Variants in ZNF69 observed in about 807,000 individuals in gnomAD.
ZNF69 encodes the protein ZNF3.
A neutral mutation model predicts 50.9 loss-of-function variants in ZNF69; 47 were observed. The ratio of observed to expected loss-of-function variants is 0.92; its 90% CI spans 0.73 to 1.18. The LOEUF is 1.18. Among genes scored for constraint, ZNF69 ranks in the 50% most tolerant of loss-of-function variants. The pLI is 0.00. For synonymous variants in ZNF69, 216 were observed against 223.1 expected (o/e 0.97, Z 0.29); for missense variants, 717 against 675.1 (o/e 1.06, Z -0.69).
At chr19:11,919,455 C>G in the ZNF69 span, among the ~76,000 whole-genome samples, 1 of 152,074 alleles carries the variant, frequency 6.6e-6, no homozygotes, top group East Asian at 1.9e-4. Context: ...TGTATTTACT[C>G]TCCTCAAAAT....
the ZNF69 span, among the ~76,000 whole-genome samples, chr19:11,953,534 G>A: frequency 1.3e-5 from 2 of 152,216 alleles, no homozygotes; most frequent in Non-Finnish European, 2.9e-5. Context: ...TTGACTTGCA[G>A]CATTTAGAAA....
At chr19:11,948,366 C>G in the ZNF69 span, 4 of 1,613,952 alleles carry the variant, frequency 2.5e-6, no homozygotes, top group Admixed American at 3.3e-5. Context: ...GACTGAACTT[C>G]CAGGAGAAGA....
chr19:11,890,605 A>G (rs542598448), intron 1 of ZNF69, among the ~76,000 whole-genome samples: 3 of 152,142 alleles, frequency 2.0e-5, no homozygotes, highest in Admixed American at 1.3e-4. Flanking sequence ...TTTTCCCCAC[A>G]TGCACCACCA....
At chr19:11,895,990 C>T (rs1410863870) in intron 1 of ZNF69, among the ~76,000 whole-genome samples, 3 of 151,978 alleles carry the variant, frequency 2.0e-5, no homozygotes, top group African/African-American at 4.8e-5. Context: ...GAGGCTGAGG[C>T]GGGCGGAACA....
In ZNF69 at chr19:11,905,254, A is replaced by G. The variant is rs1479408246; in HGVS notation, c.857A>G (p.His286Arg). Residue 286 changes from histidine to arginine, a missense_variant, in exon 4 of 4, where the codon CAT becomes CGT. Physicochemically the swap from His to Arg is conservative, Grantham distance 29. Transcript: ENST00000429654. Reference sequence around the variant, plus strand: ...TGTCAGCAATGTGGGAAAGCATTTCATAGTCCCAGATGCTATCGTAGACAT... The same window carrying G: ...TGTCAGCAATGTGGGAAAGCATTTCGTAGTCCCAGATGCTATCGTAGACAT... Reference protein sequence around the residue: ...YECQQCGKAFHSPRCYRRHER... With the variant: ...YECQQCGKAFRSPRCYRRHER... 5 of 1,613,766 alleles carry G rather than the reference A, an allele frequency of 3.1e-6. No individual in the cohort carries two copies. The highest frequency in any genetic ancestry group is 1.7e-5 in the Admixed American group (1 of 59,976).
downstream of ZNF69, among the ~76,000 whole-genome samples, chr19:11,910,291 T>A (rs1360143702): frequency 2.0e-5 from 3 of 152,212 alleles, no homozygotes; most frequent in African/African-American, 7.2e-5. Flanking sequence ...AAGCTACCGA[T>A]GACTTTCTTC....
the ZNF69 span, chr19:11,939,905 A>G: frequency 9.9e-5 from 15 of 152,136 alleles, no homozygotes; most frequent in East Asian, 3.9e-4. Flanking sequence ...GCTTATTGCA[A>G]TTATCCTGAG....
chr19:11,892,798 A>C (rs1383190870), intron 1 of ZNF69, among the ~76,000 whole-genome samples: 1 of 152,118 alleles, frequency 6.6e-6, no homozygotes, highest in Non-Finnish European at 1.5e-5. Context: ...TTGCTTCAAG[A>C]TAGAGATCCA....
the ZNF69 span, among the ~76,000 whole-genome samples, chr19:11,933,757 A>G: frequency 2.7e-5 from 4 of 146,190 alleles, no homozygotes; most frequent in African/African-American, 8.2e-5. Context: ...TTGTTTTTGA[A>G]TGGTGTGAAC....
the ZNF69 span, among the ~76,000 whole-genome samples, chr19:11,968,747 G>A: frequency 6.6e-6 from 1 of 152,076 alleles, no homozygotes; most frequent in African/African-American, 2.4e-5. Context: ...GGGCCTGGCG[G>A]GATGGCTCAC....
chr19:11,925,971 G>C, the ZNF69 span, among the ~76,000 whole-genome samples: 1 of 152,324 alleles, frequency 6.6e-6, no homozygotes, highest in African/African-American at 2.4e-5. Flanking sequence ...TCCATTGGCA[G>C]AAAGGGTGGG....
In ZNF69 at chr19:11,888,830, G is replaced by A. The variant is rs533356847; in HGVS notation, c.63+844G>A. On this transcript the variant is annotated intron_variant, in intron 1 of 3. Coordinates refer to ENST00000429654, the MANE Select transcript of ZNF69 (RefSeq NM_001364730.1). Reference sequence around the variant, plus strand: ...TAAAAATATAAAAAAGAAACTAGCCGGGCGTGATGGTGGACGCCTGTAATC... The same window carrying A: ...TAAAAATATAAAAAAGAAACTAGCCAGGCGTGATGGTGGACGCCTGTAATC... Among the ~76,000 whole-genome samples, 317 of 152,186 alleles carry A rather than the reference G, an allele frequency of 2.1e-3. 2 individuals carry two copies. The highest frequency in any genetic ancestry group is 7.1e-3 in the African/African-American group (295 of 41,526).
chr19:11,901,106 G>A (rs1343658071), intron 1 of ZNF69, among the ~76,000 whole-genome samples: 1 of 152,118 alleles, frequency 6.6e-6, no homozygotes, highest in East Asian at 1.9e-4. Flanking sequence ...ATGGAGACAG[G>A]GTCTCCTTAT....
the ZNF69 span, among the ~76,000 whole-genome samples, chr19:11,946,578 C>A: frequency 2.6e-5 from 4 of 152,138 alleles, no homozygotes; most frequent in South Asian, 8.3e-4. Context: ...TGTCTGGATA[C>A]CCTGGCTTAC....
At chr19:11,924,727 C>T in the ZNF69 span, among the ~76,000 whole-genome samples, 1 of 152,130 alleles carries the variant, frequency 6.6e-6, no homozygotes, top group Admixed American at 6.5e-5. Context: ...TCGTGCCTGG[C>T]CTGGTCTCGG....
the ZNF69 span, chr19:11,977,390 G>C: frequency 1.2e-6 from 2 of 1,613,980 alleles, no homozygotes; most frequent in Admixed American, 3.3e-5. Context: ...GGAAAGACCA[G>C]AACATTGAAT....
the ZNF69 span, chr19:11,949,160 C>G: frequency 3.1e-6 from 5 of 1,611,262 alleles, no homozygotes; most frequent in African/African-American, 1.3e-5. Context: ...TCATTTCAAA[C>G]ACATGAAAAA....
At chr19:11,953,801 C>G in the ZNF69 span, among the ~76,000 whole-genome samples, 1 of 152,150 alleles carries the variant, frequency 6.6e-6, no homozygotes, top group Non-Finnish European at 1.5e-5. Context: ...CAAATACATA[C>G]CATAACATCA....
the ZNF69 span, among the ~76,000 whole-genome samples, chr19:11,936,394 A>G: frequency 2.6e-5 from 4 of 152,264 alleles, no homozygotes; most frequent in African/African-American, 9.6e-5. Flanking sequence ...CTGGCGTGAG[A>G]TGGTATCTCA....
Sources: allele counts gnomAD v4.1 joint callset (sites outside exome capture counted in the v4.1 genomes callset), GRCh38; gene constraint gnomAD v4.1.1; transcripts MANE v1.5; gene names NCBI Gene and HGNC (gene_info 2026-07-23, HGNC 2026-07-21).